FBXL17: variants seen among roughly 807,000 people sequenced by gnomAD.
The protein encoded by FBXL17 is F-box and leucine rich repeat protein 17.
In FBXL17, 22 loss-of-function variants were observed where a neutral mutation model predicts 66.2. The observed-to-expected ratio is 0.33, with a 90% CI of 0.24 to 0.47. The LOEUF (loss-of-function observed/expected upper bound fraction) is 0.47. Among genes scored for constraint, FBXL17 ranks in the 20% least tolerant of loss-of-function variants. The probability of loss-of-function intolerance (pLI) is 1.00; values close to 1 mark genes in which losing one functional copy is unlikely to be tolerated. For synonymous variants in FBXL17, 474 were observed against 400.5 expected (o/e 1.18, Z -2.19); for missense variants, 878 against 948.2 (o/e 0.93, Z 0.97).
chr5:107,865,534 T>C (rs909066010), intron 8 of FBXL17, among the ~76,000 whole-genome samples: 1 of 152,178 alleles, frequency 6.6e-6, no homozygotes, highest in Non-Finnish European at 1.5e-5. Context: ...TGATGATGTG[T>C]TTGTTCTCTG....
Position 107,951,002 on chromosome 5 carries a change from C to T in FBXL17, c.1823-69823G>A, listed in dbSNP as rs114384313. ...TGACAGTCATGGCTGGGCATCTGGA[C>T]GATGGCCTGCCACTAATGTCCTAAT... On this transcript the variant is annotated intron_variant, in intron 7 of 8. Coordinates refer to ENST00000542267, the MANE Select transcript of FBXL17 (RefSeq NM_001163315.3). Among the ~76,000 whole-genome samples the T allele has an allele frequency of 8.1e-3, 1,230 of 152,268 alleles. 9 individuals are homozygous for T. The highest frequency in any genetic ancestry group is 0.014 in the Middle Eastern group (4 of 294).
intron 7 of FBXL17, among the ~76,000 whole-genome samples, chr5:107,965,158 A>T (rs1368722208): frequency 6.6e-6 from 1 of 152,112 alleles, no homozygotes; most frequent in Non-Finnish European, 1.5e-5. Flanking sequence ...AAATGCCTTG[A>T]TCTTAAGAGC....
intron 6 of FBXL17, among the ~76,000 whole-genome samples, chr5:108,157,295 C>A (rs929100075): frequency 6.6e-6 from 1 of 151,616 alleles, no homozygotes; most frequent in Non-Finnish European, 1.5e-5. Flanking sequence ...TTTTCCATTG[C>A]AAATAATTCA....
intron 7 of FBXL17, among the ~76,000 whole-genome samples, chr5:107,984,595 G>A (rs4144479): frequency 0.47 from 70,873 of 151,882 alleles, 17,255 homozygotes; most frequent in African/African-American, 0.61. Context: ...ACCCACGCAC[G>A]CCTTTGTTTC....
intron 4 of FBXL17, 39 bp from the exon 5 acceptor site, chr5:108,224,267 G>T: frequency 8.1e-7 from 1 of 1,238,132 alleles, no homozygotes; most frequent in Non-Finnish European, 1.2e-6. Context: ...CAAGGTAATA[G>T]TCCAGTGAAC....
At chr5:107,971,001 T>G (rs1752350749) in intron 7 of FBXL17, among the ~76,000 whole-genome samples, 1 of 152,150 alleles carries the variant, frequency 6.6e-6, no homozygotes. Flanking sequence ...AGAAGTGAGG[T>G]AAAAAATTAT....
chr5:108,043,031 A>T (rs1747112511), intron 6 of FBXL17, among the ~76,000 whole-genome samples: 2 of 152,184 alleles, frequency 1.3e-5, no homozygotes, highest in Non-Finnish European at 2.9e-5. Flanking sequence ...TCTGTATATC[A>T]TCAGTGAAAT....
At chr5:108,027,081 A>G (rs998766493) in intron 6 of FBXL17, among the ~76,000 whole-genome samples, 1 of 152,134 alleles carries the variant, frequency 6.6e-6, no homozygotes, top group African/African-American at 2.4e-5. Flanking sequence ...TACCAACAAA[A>G]TAATATTTTT....
intron 1 of FBXL17, among the ~76,000 whole-genome samples, chr5:108,368,782 A>G (rs1050615007): frequency 6.6e-6 from 1 of 152,150 alleles, no homozygotes; most frequent in Admixed American, 6.6e-5. Flanking sequence ...AATCAGGGGA[A>G]GTAAACAAGT....
intron 6 of FBXL17, among the ~76,000 whole-genome samples, chr5:108,045,168 G>T (rs1207579850): frequency 6.6e-6 from 1 of 152,048 alleles, no homozygotes; most frequent in African/African-American, 2.4e-5. Flanking sequence ...CCGGCCAGGC[G>T]TGGTGACTGA....
At chr5:108,274,669 A>C (rs1314168394) in intron 4 of FBXL17, among the ~76,000 whole-genome samples, 1 of 152,208 alleles carries the variant, frequency 6.6e-6, no homozygotes, top group Non-Finnish European at 1.5e-5. Context: ...GTGTCCATGA[A>C]ATCTTTACAA....
intron 7 of FBXL17, among the ~76,000 whole-genome samples, chr5:107,945,257 A>G (rs975623435): frequency 8.5e-5 from 13 of 152,178 alleles, no homozygotes; most frequent in African/African-American, 3.1e-4. Flanking sequence ...AAAGTCTGGC[A>G]ACATCAATCA....
At chr5:108,143,256 A>T (rs906583455) in intron 6 of FBXL17, among the ~76,000 whole-genome samples, 1 of 151,978 alleles carries the variant, frequency 6.6e-6, no homozygotes, top group Non-Finnish European at 1.5e-5. Flanking sequence ...AACATTACAG[A>T]TCCCACCATG....
intron 6 of FBXL17, among the ~76,000 whole-genome samples, chr5:108,055,311 AAAGAAAAACG>A (rs1747655476): frequency 2.1e-4 from 4 of 18,840 alleles, no homozygotes; most frequent in African/African-American, 7.1e-4. Flanking sequence ...AAAAAAAAAA[AAAGAAAAACG>A]CTTCAGGCCG....
chr5:108,192,920 A>C (rs1410456820), intron 5 of FBXL17, among the ~76,000 whole-genome samples: 1 of 152,260 alleles, frequency 6.6e-6, no homozygotes, highest in East Asian at 1.9e-4. Context: ...TGGATGAATT[A>C]ACGAAAGAGG....
chr5:108,138,738 C>T (rs181514438), intron 6 of FBXL17, among the ~76,000 whole-genome samples: 4 of 152,160 alleles, frequency 2.6e-5, no homozygotes, highest in African/African-American at 9.6e-5. Flanking sequence ...ATTGGAAATA[C>T]AAAGATGAGT....
chr5:108,065,744 G>A (rs1250267829), intron 6 of FBXL17, among the ~76,000 whole-genome samples: 5 of 152,068 alleles, frequency 3.3e-5, no homozygotes, highest in Non-Finnish European at 5.9e-5. Context: ...GGTTTTAAAA[G>A]AGTCTCCTTT....
chr5:108,039,789 T>A (rs544569504), intron 6 of FBXL17, among the ~76,000 whole-genome samples: 4 of 152,206 alleles, frequency 2.6e-5, no homozygotes, highest in African/African-American at 9.6e-5. Flanking sequence ...TAAGACATAT[T>A]TTGTTATAGG....
intron 4 of FBXL17, among the ~76,000 whole-genome samples, chr5:108,251,406 G>A (rs1210162812): frequency 6.6e-6 from 1 of 151,956 alleles, no homozygotes; most frequent in Non-Finnish European, 1.5e-5. Flanking sequence ...AGACAGAGTA[G>A]GAAAATTAAG....
Sources: allele counts gnomAD v4.1 joint callset (sites outside exome capture counted in the v4.1 genomes callset), GRCh38; gene constraint gnomAD v4.1.1; transcripts MANE v1.5; gene names NCBI Gene and HGNC (gene_info 2026-07-23, HGNC 2026-07-21).